Variants in ATG7 observed in about 807,000 individuals in gnomAD.
The protein encoded by ATG7 is autophagy related 7.
A neutral mutation model predicts 82.4 loss-of-function variants in ATG7; 70 were observed. The ratio of observed to expected loss-of-function variants is 0.85; its 90% CI spans 0.70 to 1.04. The LOEUF (loss-of-function observed/expected upper bound fraction) is 1.04. Ranked by LOEUF, ATG7 falls within the 50% of genes least tolerant of loss-of-function variation. ATG7 has a pLI of 0.00. For synonymous variants in ATG7, 287 were observed against 313.0 expected (o/e 0.92, Z 0.88); for missense variants, 792 against 864.3 (o/e 0.92, Z 1.05).
At chr3:11,474,527 G>A (rs191287795) in intron 20 of ATG7, among the ~76,000 whole-genome samples, 5 of 152,278 alleles carry the variant, frequency 3.3e-5, no homozygotes, top group Non-Finnish European at 7.4e-5. Context: ...CTGAGCACAG[G>A]ACTTGGAGGT....
chr3:11,348,071 T>G, intron 14 of ATG7, 36 bp downstream of exon 14: 1 of 1,579,328 alleles, frequency 6.3e-7, no homozygotes, highest in Non-Finnish European at 8.6e-7. Context: ...TTCTGTTATA[T>G]GTATAAATGT....
Position 11,555,048 on chromosome 3 carries a change from A to G in ATG7, c.*205A>G, listed in dbSNP as rs897743178. 2 of 610,426 alleles carry G rather than the reference A, an allele frequency of 3.3e-6. No individual in the cohort carries two copies. The highest frequency in any genetic ancestry group is 5.5e-6 in the Non-Finnish European group (2 of 363,944). 37.8% of individuals were successfully genotyped at this position (610,426 alleles called of 1,614,324 possible). ...AGATACCACCAGTTCAGAGCTAAAT[A>G]ATAACCTTGGCCTTGGCCTTGCTAT... On this transcript the variant is annotated 3_prime_UTR_variant, in exon 21 of 21. Transcript: ENST00000693202.
At chr3:11,544,401 C>A (rs953060986) in intron 20 of ATG7, among the ~76,000 whole-genome samples, 4 of 152,216 alleles carry the variant, frequency 2.6e-5, no homozygotes, top group Non-Finnish European at 2.9e-5. Context: ...TGCAGAGCAC[C>A]CTTTTTCTGA....
At chr3:11,521,860 G>A (rs901400157) in intron 20 of ATG7, among the ~76,000 whole-genome samples, 1 of 152,080 alleles carries the variant, frequency 6.6e-6, no homozygotes, top group African/African-American at 2.4e-5. Context: ...CCCCAGCCCA[G>A]GAAGTTTTGT....
intron 19 of ATG7, among the ~76,000 whole-genome samples, chr3:11,401,691 A>G (rs1196098513): frequency 6.6e-6 from 1 of 152,216 alleles, no homozygotes; most frequent in African/African-American, 2.4e-5. Flanking sequence ...ATAAGGCCAC[A>G]GTGACTTCAC....
At chr3:11,523,239 C>T (rs1361869594) in intron 20 of ATG7, among the ~76,000 whole-genome samples, 1 of 152,156 alleles carries the variant, frequency 6.6e-6, no homozygotes, top group Non-Finnish European at 1.5e-5. Context: ...TCCATTTCTT[C>T]TCTTTCTTGG....
intron 20 of ATG7, among the ~76,000 whole-genome samples, chr3:11,454,852 T>C (rs1248379389): frequency 6.6e-6 from 1 of 152,180 alleles, no homozygotes; most frequent in Non-Finnish European, 1.5e-5. Flanking sequence ...ATGATACAGA[T>C]ATAGAACACT....
intron 18 of ATG7, among the ~76,000 whole-genome samples, chr3:11,374,066 A>T (rs1361930837): frequency 6.6e-6 from 1 of 152,230 alleles, no homozygotes; most frequent in South Asian, 2.1e-4. Context: ...CTCTAAAAGC[A>T]AGAAAGATAA....
At chr3:11,513,039 T>C (rs974938329) in intron 20 of ATG7, among the ~76,000 whole-genome samples, 2 of 152,168 alleles carry the variant, frequency 1.3e-5, no homozygotes, top group African/African-American at 2.4e-5. Flanking sequence ...CATTCCCAAA[T>C]CCTGAGCTAG....
chr3:11,284,801 T>C (rs1407857723), intron 3 of ATG7, among the ~76,000 whole-genome samples: 3 of 151,326 alleles, frequency 2.0e-5, no homozygotes, highest in East Asian at 3.9e-4. Flanking sequence ...CATCCTGCTT[T>C]GGCCTCCCAA....
intron 18 of ATG7, among the ~76,000 whole-genome samples, chr3:11,366,971 CTGTGTGTGTGTGTGTG>C (rs60183965): frequency 7.9e-5 from 11 of 139,792 alleles, no homozygotes; most frequent in Non-Finnish European, 9.3e-5. Flanking sequence ...ATGGGAAAAG[CTGTGTGTGTGTGTGTG>C]TGTGTGTGTG....
intron 7 of ATG7, 119 bp from the exon 8 acceptor site, chr3:11,313,185 C>G: frequency 1.7e-6 from 1 of 572,442 alleles, no homozygotes; most frequent in East Asian, 3.0e-5. Context: ...ATAAGCTGGA[C>G]AGACTTTGTT....
chr3:11,421,427 C>G (rs2081936311), intron 19 of ATG7, among the ~76,000 whole-genome samples: 2 of 152,202 alleles, frequency 1.3e-5, no homozygotes, highest in African/African-American at 4.8e-5. Context: ...GGAATAGATT[C>G]CATCTAGAAA....
intron 14 of ATG7, among the ~76,000 whole-genome samples, chr3:11,357,751 C>G (rs2076023798): frequency 6.6e-6 from 1 of 152,006 alleles, no homozygotes; most frequent in South Asian, 2.1e-4. Context: ...TGGCTCATGC[C>G]TGTAATTCCA....
chr3:11,396,723 A>G lies in ATG7; in HGVS notation c.1956+16671A>G, dbSNP rs199990533. Among the ~76,000 whole-genome samples the G allele has an allele frequency of 2.0e-5, 3 of 150,330 alleles. No individual in the cohort carries two copies. In the East Asian group the frequency reaches 5.9e-4, roughly 30 times the overall value. ...CTTGAACCTGAGAGGTGAAAGTTGC[A>G]GTGAGCCGAGATGGCGCCACCGCAC... On this transcript the variant is annotated intron_variant, in intron 19 of 20. Coordinates refer to ENST00000693202, the MANE Select transcript of ATG7 (RefSeq NM_001349232.2).
intron 20 of ATG7, among the ~76,000 whole-genome samples, chr3:11,455,787 A>G (rs754304963): frequency 3.3e-5 from 5 of 152,318 alleles, no homozygotes; most frequent in Non-Finnish European, 4.4e-5. Context: ...TCACTGTCCC[A>G]GAGCACCTCT....
intron 14 of ATG7, among the ~76,000 whole-genome samples, chr3:11,352,255 T>G (rs1295282387): frequency 6.6e-6 from 1 of 152,230 alleles, no homozygotes; most frequent in Non-Finnish European, 1.5e-5. Context: ...CTATCATTGA[T>G]GGACATTTGG....
At chr3:11,316,017 C>G (rs748233584) in intron 9 of ATG7, among the ~76,000 whole-genome samples, 1 of 152,184 alleles carries the variant, frequency 6.6e-6, no homozygotes, top group Non-Finnish European at 1.5e-5. Context: ...CTGTGCCCAG[C>G]CAATACCTTA....
rs985070086 is a variant in ATG7, at chr3:11,493,066, C to A, written c.2080-61745C>A. On this transcript the variant is annotated intron_variant, in intron 20 of 20. Transcript: ENST00000693202. ...TTTTGGGTACCCACACTTGGTGGAT[C>A]CCAAATTGTTGTCCAATGCCAAAAA... 4.6e-5 allele frequency among the ~76,000 whole-genome samples: 7 copies of A among 152,332 alleles called. No homozygotes were observed. The East Asian group carries it at 1.3e-3, about 29-fold the overall frequency.
Sources: gnomAD v4.1 joint callset for allele counts (sites outside exome capture counted in the v4.1 genomes callset) on GRCh38, gnomAD v4.1.1 for gene constraint, MANE v1.5 for transcripts, NCBI Gene and HGNC (gene_info 2026-07-23, HGNC 2026-07-21) for gene names.